Variants in ACACA observed in about 807,000 individuals in gnomAD.
ACACA encodes acetyl-CoA carboxylase alpha.
A neutral mutation model predicts 296.1 loss-of-function variants in ACACA; 103 were observed. That is an observed-to-expected ratio of 0.35 (90% CI 0.30 to 0.41). The LOEUF (loss-of-function observed/expected upper bound fraction) is 0.41. Ranked by LOEUF, ACACA falls within the 10% of genes least tolerant of loss-of-function variation. The probability of loss-of-function intolerance (pLI) is 1.00; values close to 1 mark genes in which losing one functional copy is unlikely to be tolerated. For missense variants in ACACA, 1,554 were observed against 2,989.7 expected (o/e 0.52, Z 11.20); for synonymous variants, 953 against 1,038.6 (o/e 0.92, Z 1.58).
intron 3 of ACACA, among the ~76,000 whole-genome samples, chr17:37,285,748 TG>T (rs977340075): frequency 6.6e-6 from 1 of 151,746 alleles, no homozygotes; most frequent in Non-Finnish European, 1.5e-5. Context: ...ATAAATTGCT[TG>T]GGCACGTGTG....
rs539160225 is a variant in ACACA, at chr17:37,349,205, C to T, written c.39-9355G>A. The stretch of plus-strand genomic sequence containing the variant: ...CCTCCCAAGTAACTGGGATTACAGG[C>T]GTGTGCCCCAACACATGGCTAATTT... On this transcript the variant is annotated intron_variant, in intron 1 of 55. Coordinates refer to ENST00000616317, the MANE Select transcript of ACACA (RefSeq NM_198834.3). Among the ~76,000 whole-genome samples, 54 of 150,160 alleles carry T rather than the reference C, an allele frequency of 3.6e-4. 1 individual carries two copies. The East Asian group carries it at 8.5e-3, about 24-fold the overall frequency.
intron 1 of ACACA, among the ~76,000 whole-genome samples, chr17:37,401,448 C>T (rs552454436): frequency 4.5e-4 from 68 of 152,132 alleles, no homozygotes; most frequent in South Asian, 1.0e-3. Flanking sequence ...CCGCCTCGGC[C>T]TCCCATGCTA....
chr17:37,191,911 A>G (rs1334791142), intron 37 of ACACA, among the ~76,000 whole-genome samples, 179 bp downstream of exon 37: 2 of 151,086 alleles, frequency 1.3e-5, no homozygotes, highest in East Asian at 3.9e-4. Flanking sequence ...AGCCTTTATT[A>G]TATGAAATAT....
At chr17:37,381,811 T>C (rs1351014113) in intron 1 of ACACA, among the ~76,000 whole-genome samples, 2 of 151,670 alleles carry the variant, frequency 1.3e-5, no homozygotes, top group Non-Finnish European at 2.9e-5. Context: ...GTATTTTTGG[T>C]AGAGATGGGG....
chr17:37,340,860 G>A (rs974581052), intron 1 of ACACA, among the ~76,000 whole-genome samples: 11 of 152,084 alleles, frequency 7.2e-5, no homozygotes, highest in African/African-American at 2.2e-4. Flanking sequence ...GTCACTTAAC[G>A]TCTCTGTATA....
At chr17:37,207,846 C>T in intron 30 of ACACA, 46 bp from the exon 31 acceptor site, 1 of 1,603,210 alleles carries the variant, frequency 6.2e-7, no homozygotes, top group South Asian at 1.1e-5. Flanking sequence ...AGGGTAGGAG[C>T]AAGGACTGGG....
At chr17:37,208,442 T>C (rs2145416143) in intron 30 of ACACA, among the ~76,000 whole-genome samples, 1 of 152,280 alleles carries the variant, frequency 6.6e-6, no homozygotes, top group Admixed American at 6.5e-5. Context: ...GTTATTGGGG[T>C]TACAGTTCTC....
intron 35 of ACACA, among the ~76,000 whole-genome samples, chr17:37,198,571 C>T (rs2078107721): frequency 6.6e-6 from 1 of 152,146 alleles, no homozygotes; most frequent in South Asian, 2.1e-4. Flanking sequence ...CTTCCTAAAG[C>T]CCTAGGGTTC....
chr17:37,246,771 G>C (rs957531854), intron 19 of ACACA, 55 bp downstream of exon 19: 2 of 1,602,572 alleles, frequency 1.2e-6, no homozygotes, highest in African/African-American at 1.3e-5. Context: ...CATCCCAGCC[G>C]ACCCTTTTCC....
intron 22 of ACACA, among the ~76,000 whole-genome samples, chr17:37,242,813 C>T (rs980524400): frequency 3.9e-5 from 6 of 152,072 alleles, no homozygotes; most frequent in South Asian, 2.1e-4. Flanking sequence ...CCGAGGTGGG[C>T]GGATCACGAG....
intron 41 of ACACA, among the ~76,000 whole-genome samples, chr17:37,163,874 C>T (rs2076561685): frequency 6.6e-6 from 1 of 152,074 alleles, no homozygotes; most frequent in African/African-American, 2.4e-5. Context: ...ACTCTCACAG[C>T]CCTCTCCTGT....
rs770582567 is a variant in ACACA, at chr17:37,188,519, C to T, written c.4573-39G>A. On this transcript the variant is annotated intron_variant, in intron 38 of 55. Coordinates refer to ENST00000616317, the MANE Select transcript of ACACA (RefSeq NM_198834.3). ...ATCACCAAGCACAAAACTTAAATAT[C>T]TTCTAACTAAGACCTGTTTCAGGTC... The T allele has an allele frequency of 6.9e-6, 11 of 1,602,674 alleles. No homozygotes were observed. The South Asian group carries it at 1.2e-4, about 18-fold the overall frequency.
At chr17:37,114,848 A>G (rs1597859920) in intron 50 of ACACA, among the ~76,000 whole-genome samples, 1 of 152,258 alleles carries the variant, frequency 6.6e-6, no homozygotes, top group Non-Finnish European at 1.5e-5. Flanking sequence ...GAATAAATCA[A>G]TTCTGGGAAT....
chr17:37,246,086 T>C (rs1386145740), intron 19 of ACACA, among the ~76,000 whole-genome samples: 1 of 152,166 alleles, frequency 6.6e-6, no homozygotes, highest in Non-Finnish European at 1.5e-5. Flanking sequence ...ACTATCTGTC[T>C]TTCAAAACTA....
At chr17:37,269,764 A>G (rs941483998) in intron 10 of ACACA, among the ~76,000 whole-genome samples, 720 of 68,390 alleles carry the variant, frequency 0.011, 3 homozygotes, top group Non-Finnish European at 0.013. Flanking sequence ...GTTTTAAGGG[A>G]AAAAAAAAAA....
chr17:37,173,115 T>C (rs2076938333), intron 41 of ACACA, among the ~76,000 whole-genome samples: 1 of 152,166 alleles, frequency 6.6e-6, no homozygotes, highest in Non-Finnish European at 1.5e-5. Context: ...AGTAAAACAA[T>C]TTAAAAAATC....
chr17:37,090,362 A>AAATT (rs1302887049), intron 54 of ACACA, among the ~76,000 whole-genome samples: 1 of 152,226 alleles, frequency 6.6e-6, no homozygotes, highest in African/African-American at 2.4e-5. Flanking sequence ...CTGTTTCTAA[A>AAATT]AATTAACTCC....
At chr17:37,141,407 A>AATGATAC in intron 45 of ACACA, 1 of 326,960 alleles carries the variant, frequency 3.1e-6, no homozygotes, top group South Asian at 2.9e-5. Flanking sequence ...TCCCCATCTC[A>AATGATAC]GGCACCCCCA....
intron 8 of ACACA, among the ~76,000 whole-genome samples, chr17:37,274,997 G>T (rs1373922463): frequency 6.6e-6 from 1 of 151,646 alleles, no homozygotes; most frequent in Non-Finnish European, 1.5e-5. Context: ...AAAAAAAAAG[G>T]TTCATATTGT....
Sources: allele counts gnomAD v4.1 joint callset (sites outside exome capture counted in the v4.1 genomes callset), GRCh38; gene constraint gnomAD v4.1.1; transcripts MANE v1.5; gene names NCBI Gene and HGNC (gene_info 2026-07-23, HGNC 2026-07-21).